The following CTBP2 variants were observed in gnomAD, a reference collection of about 807,000 sequenced individuals.
The protein encoded by CTBP2 is C-terminal binding protein 2.
CTBP2 carries 30 observed loss-of-function variants against 80.3 expected under a neutral mutation model. That is an observed-to-expected ratio of 0.37 (90% CI 0.28 to 0.51). The LOEUF (loss-of-function observed/expected upper bound fraction) is 0.51. Ranked by LOEUF, CTBP2 falls within the 20% of genes least tolerant of loss-of-function variation. The pLI is 0.93. For synonymous variants in CTBP2, 594 were observed against 587.4 expected, an observed-to-expected ratio of 1.01 and a Z score of -0.16; for missense variants, 1,212 against 1,375.3, an observed-to-expected ratio of 0.88 and a Z score of 1.88.
chr10:125,139,158 G>C (rs1309395207), intron 1 of CTBP2, among the ~76,000 whole-genome samples: 1 of 152,028 alleles, frequency 6.6e-6, no homozygotes, highest in Non-Finnish European at 1.5e-5. Flanking sequence ...GATTACTTGA[G>C]GCCAGGAGTT....
At chr10:125,101,179 G>A (rs1377081307) in intron 2 of CTBP2, among the ~76,000 whole-genome samples, 1 of 152,208 alleles carries the variant, frequency 6.6e-6, no homozygotes, top group East Asian at 1.9e-4. Context: ...GCCATAAAAT[G>A]CAGGAGTCCA....
At chr10:125,055,654 C>T (rs943612368) in intron 2 of CTBP2, among the ~76,000 whole-genome samples, 2 of 152,120 alleles carry the variant, frequency 1.3e-5, no homozygotes, top group African/African-American at 2.4e-5. Flanking sequence ...CCACAATCCC[C>T]GAACCACACT....
In CTBP2 at chr10:125,066,166, T is replaced by C. The variant is rs1009322576; in HGVS notation, c.-101-27011A>G. 3.3e-5 allele frequency among the ~76,000 whole-genome samples: 5 copies of C among 151,792 alleles called. No homozygotes were observed. The highest frequency in any genetic ancestry group is 1.2e-4 in the African/African-American group (5 of 41,292). ...CCCAGGACAACGTCTGAGTGACCAG[T>C]GGCTCTTGGCTGAGGGATGTGAGCT... On this transcript the variant is annotated intron_variant, in intron 2 of 10. Transcript: ENST00000337195. The surrounding 1 kb of genome is among the most constrained non-coding windows in gnomAD (Gnocchi z 4.1).
Position 125,160,481 on chromosome 10 carries a change from TCGGGCCGCCGCCGGCTCCTC to T in CTBP2, c.-388_-369del, listed in dbSNP as rs1430428033. ...GGCTCCCGGTTCGGTCCCTCGCTCC[TCGGGCCGCCGCCGGCTCCTC>T]CGGGCCGCTCCCGAGCCACCTTAAA... On this transcript the variant is annotated 5_prime_UTR_variant, in exon 1 of 11. Coordinates refer to the CTBP2 transcript ENST00000337195. 4 of 137,368 alleles carry T rather than the reference TCGGGCCGCCGCCGGCTCCTC, an allele frequency of 2.9e-5. No individual in the cohort carries two copies. In the South Asian group the frequency reaches 6.0e-4, roughly 21 times the overall value. The allele number at this position is 137,368 out of a possible 1,614,324, so 8.5% of individuals were successfully genotyped here.
intron 2 of CTBP2, among the ~76,000 whole-genome samples, chr10:125,098,686 GAGAGAGAGAGAGAGAGAGAGAC>G (rs1850013699): frequency 2.9e-5 from 4 of 137,330 alleles, no homozygotes; most frequent in East Asian, 2.1e-4. Flanking sequence ...GAGAGAGAGA[GAGAGAGAGAGAGAGAGAGAGAC>G]AGAGAGAGAG....
chr10:125,008,926 G>T (rs1030010029), intron 1 of CTBP2, among the ~76,000 whole-genome samples: 1 of 152,202 alleles, frequency 6.6e-6, no homozygotes, highest in Non-Finnish European at 1.5e-5. Flanking sequence ...TTATTTGAAG[G>T]TGTTTTTACC....
chr10:125,021,295 C>G (rs566679384), intron 1 of CTBP2, among the ~76,000 whole-genome samples: 1 of 152,220 alleles, frequency 6.6e-6, no homozygotes. Flanking sequence ...AGGTTCAAGA[C>G]CTACCCCCTT....
At chr10:125,041,011 G>A (rs994156869) in intron 2 of CTBP2, among the ~76,000 whole-genome samples, 1 of 152,242 alleles carries the variant, frequency 6.6e-6, no homozygotes, top group Non-Finnish European at 1.5e-5. Context: ...GATGGAGGTT[G>A]TCATAGAATG....
At chr10:125,126,769 A>G (rs1221648547) in intron 1 of CTBP2, among the ~76,000 whole-genome samples, 1 of 152,190 alleles carries the variant, frequency 6.6e-6, no homozygotes, top group Non-Finnish European at 1.5e-5. Context: ...ATACACATCT[A>G]TAGCTATTTC....
intron 1 of CTBP2, among the ~76,000 whole-genome samples, chr10:125,147,781 C>G (rs1010573295): frequency 6.6e-6 from 1 of 152,082 alleles, no homozygotes; most frequent in Admixed American, 6.5e-5. Context: ...CCTGTAGTCC[C>G]ACCTACTTGG....
chr10:125,137,368 G>A (rs184687801), intron 1 of CTBP2, among the ~76,000 whole-genome samples: 127 of 152,288 alleles, frequency 8.3e-4, no homozygotes, highest in African/African-American at 2.8e-3. Flanking sequence ...ACTCTGGTGG[G>A]CTGGTCCTGA....
intron 2 of CTBP2, among the ~76,000 whole-genome samples, chr10:125,055,248 A>G (rs1201490098): frequency 5.3e-5 from 8 of 152,226 alleles, no homozygotes; most frequent in Admixed American, 2.0e-4. Flanking sequence ...GGCAGTCTGC[A>G]CAGAGGTTCA....
At chr10:125,106,170 A>C (rs2135873254) in intron 2 of CTBP2, among the ~76,000 whole-genome samples, 1 of 152,312 alleles carries the variant, frequency 6.6e-6, no homozygotes, top group African/African-American at 2.4e-5. Context: ...CATTCTCTGC[A>C]CACTGCCACA....
intron 3 of CTBP2, among the ~76,000 whole-genome samples, chr10:125,037,683 G>A (rs1959032030): frequency 6.6e-6 from 1 of 152,198 alleles, no homozygotes; most frequent in African/African-American, 2.4e-5. Flanking sequence ...AGACGTGGAG[G>A]AAATGCGAAT....
At position 125,118,482 on chromosome 10, in the gene CTBP2, A is replaced by G. The variant is rs545221379; in HGVS notation, c.-205-7389T>C. On this transcript the variant is annotated intron_variant, in intron 1 of 10. Transcript: ENST00000337195. Reference sequence around the variant, plus strand: ...GAAAGGGGGGAAGAAAAGTGGATCCACGAGCAAGCAGCCCACACAACGACG... The same window carrying G: ...GAAAGGGGGGAAGAAAAGTGGATCCGCGAGCAAGCAGCCCACACAACGACG... 7.2e-5 allele frequency among the ~76,000 whole-genome samples: 11 copies of G among 152,302 alleles called. No homozygotes were observed. The South Asian group carries it at 2.3e-3, about 32-fold the overall frequency.
chr10:125,102,667 T>C (rs1018213456), intron 2 of CTBP2, among the ~76,000 whole-genome samples: 1 of 152,236 alleles, frequency 6.6e-6, no homozygotes, highest in Admixed American at 6.5e-5. Flanking sequence ...AGGAGTACTG[T>C]ACTCTCATCA....
chr10:125,026,079 T>C lies in CTBP2; in HGVS notation c.1678+3A>G. 1.3e-6 allele frequency: 2 copies of C among 1,553,450 alleles called. No homozygotes were observed. The highest frequency in any genetic ancestry group is 1.7e-6 in the Non-Finnish European group (2 of 1,144,366). On this transcript the variant is annotated splice_donor_region_variant and intron_variant, in intron 1 of 8. Transcript: ENST00000309035. ...GGCAGGGCAGGCGGGGAGGATGTAT[T>C]ACTTGGTTCTGGTGCAAGCATGGTG...
rs188974566 is a variant in CTBP2 at position 125,060,066 on chromosome 10, T to C, written c.-101-20911A>G. 3.9e-5 allele frequency among the ~76,000 whole-genome samples: 6 copies of C among 152,314 alleles called. No individual in the cohort carries two copies. The East Asian group carries it at 1.2e-3, about 29-fold the overall frequency. Reference sequence around the variant, plus strand: ...CTCTTCCATGTCACTTTAGTTATCATATGGCGGGCAGATTCGAACCGTCTA... The same window carrying C: ...CTCTTCCATGTCACTTTAGTTATCACATGGCGGGCAGATTCGAACCGTCTA... On this transcript the variant is annotated intron_variant, in intron 2 of 10. Coordinates refer to the CTBP2 transcript ENST00000337195.
At chr10:125,067,922 C>T (rs961410037) in intron 2 of CTBP2, among the ~76,000 whole-genome samples, 4 of 152,134 alleles carry the variant, frequency 2.6e-5, no homozygotes, top group Admixed American at 2.0e-4. Context: ...AGGGCGGGTC[C>T]GATGTATACC....
Sources: allele counts gnomAD v4.1 joint callset (sites outside exome capture counted in the v4.1 genomes callset), GRCh38; gene constraint gnomAD v4.1.1; non-coding constraint Gnocchi (gnomAD v3.1); transcripts MANE v1.5; gene names NCBI Gene and HGNC (gene_info 2026-07-23, HGNC 2026-07-21).